MYH15: variants seen among roughly 807,000 people sequenced by gnomAD.
MYH15 encodes myosin-15.
Under a neutral mutation model 240.5 loss-of-function variants are expected in MYH15, and 227 were observed. That is an observed-to-expected ratio of 0.94 (90% CI 0.85 to 1.05). The LOEUF is 1.05. MYH15 is among the 50% of genes least tolerant of loss of function. The pLI is 0.00. For missense variants in MYH15, 2,217 were observed against 2,247.5 expected (o/e 0.99, Z 0.27); for synonymous variants, 785 against 796.7 (o/e 0.99, Z 0.25).
the MYH15 span, among the ~76,000 whole-genome samples, chr3:108,539,919 T>C: frequency 1.3e-5 from 2 of 152,242 alleles, no homozygotes; most frequent in South Asian, 2.1e-4. Flanking sequence ...TACAGGAGCA[T>C]AAAAAGTAAG....
chr3:108,455,731 G>A lies in MYH15; in HGVS notation c.2262+5C>T. 4 of 1,613,330 alleles carry A rather than the reference G, an allele frequency of 2.5e-6. No homozygotes were observed. The highest frequency in any genetic ancestry group is 3.4e-6 in the Non-Finnish European group (4 of 1,179,530). ...CAAATGCATTCTTTGCAGTTTTCTG[G>A]TTACCTTAGTGATTCCAAATCGGTA... On this transcript the variant is annotated splice_donor_5th_base_variant and intron_variant, in intron 20 of 40. Transcript: ENST00000693548.
chr3:108,452,884 G>T (rs973532598), intron 21 of MYH15, among the ~76,000 whole-genome samples: 90 of 152,302 alleles, frequency 5.9e-4, no homozygotes, highest in African/African-American at 2.1e-3. Flanking sequence ...TTGGGAGGCT[G>T]AGGCAAGAGG....
chr3:108,539,398 T>C, the MYH15 span, among the ~76,000 whole-genome samples: 1 of 152,272 alleles, frequency 6.6e-6, no homozygotes, highest in Non-Finnish European at 1.5e-5. Context: ...TTCAATGTTA[T>C]ATATATGGGA....
intron 30 of MYH15, among the ~76,000 whole-genome samples, chr3:108,413,191 G>A (rs2082607834): frequency 6.6e-6 from 1 of 152,164 alleles, no homozygotes; most frequent in South Asian, 2.1e-4. Flanking sequence ...ACCATATTTG[G>A]ATATAAGAGG....
intron 7 of MYH15, among the ~76,000 whole-genome samples, chr3:108,494,589 G>A (rs1048601500): frequency 6.6e-6 from 1 of 152,040 alleles, no homozygotes; most frequent in Non-Finnish European, 1.5e-5. Flanking sequence ...AAACACCTGG[G>A]TTCAGGCCAT....
At chr3:108,470,466 C>T (rs1055082810) in intron 13 of MYH15, among the ~76,000 whole-genome samples, 4 of 151,986 alleles carry the variant, frequency 2.6e-5, no homozygotes, top group African/African-American at 7.3e-5. Flanking sequence ...AATTCCTTTA[C>T]CTCCATTTAC....
At chr3:108,501,942 C>G in intron 2 of MYH15, 87 bp from the exon 3 acceptor site, 3 of 1,430,136 alleles carry the variant, frequency 2.1e-6, no homozygotes, top group Non-Finnish European at 2.9e-6. Flanking sequence ...TATTCAGACT[C>G]AAAAAGAAAA....
chr3:108,452,101 A>G (rs547507825), intron 21 of MYH15, among the ~76,000 whole-genome samples: 102 of 152,248 alleles, frequency 6.7e-4, no homozygotes, highest in Non-Finnish European at 1.0e-3. Flanking sequence ...CTGATATACC[A>G]CAAGTGGGTG....
chr3:108,437,083 T>C (rs2082844549), intron 25 of MYH15, among the ~76,000 whole-genome samples: 1 of 152,098 alleles, frequency 6.6e-6, no homozygotes, highest in African/African-American at 2.4e-5. Flanking sequence ...AATATTTATA[T>C]AGTAAATTAT....
chr3:108,411,040 C>G, intron 30 of MYH15, 108 bp from the exon 31 acceptor site: 1 of 889,340 alleles, frequency 1.1e-6, no homozygotes, highest in Non-Finnish European at 1.7e-6. Context: ...AAGATGGCGC[C>G]TCTGCAGTGG....
intron 23 of MYH15, among the ~76,000 whole-genome samples, chr3:108,440,212 G>A (rs929972488): frequency 6.6e-6 from 1 of 151,862 alleles, no homozygotes. Context: ...AAATTGGATG[G>A]CCAATTTAAT....
chr3:108,510,337 T>C lies in MYH15; in HGVS notation c.88+106A>G, dbSNP rs1019658526. 4.9e-6 allele frequency: 7 copies of C among 1,426,400 alleles called. No homozygotes were observed. In the African/African-American group the frequency reaches 7.2e-5, roughly 15 times the overall value. The allele number at this position is 1,426,400 out of a possible 1,614,324, so 88.4% of individuals were successfully genotyped here. A position where few individuals can be genotyped will look rare whatever the true frequency, so the allele number is the denominator to read the frequency against. On this transcript the variant is annotated intron_variant, in intron 1 of 40. Coordinates refer to ENST00000693548, the MANE Select transcript of MYH15 (RefSeq NM_014981.3). ...AGAGGCTGATCATACCCTAAGCAAA[T>C]AAGTTAGGCTCTAGAACTGATGGCT...
chr3:108,510,726 A>C (rs1157285378), upstream of MYH15: 4 of 811,310 alleles, frequency 4.9e-6, no homozygotes, highest in Non-Finnish European at 7.5e-6. Flanking sequence ...TCTCTTCGCT[A>C]TGTCTCAAAT....
chr3:108,457,598 A>G (rs893156767), intron 18 of MYH15, among the ~76,000 whole-genome samples: 5 of 152,022 alleles, frequency 3.3e-5, no homozygotes, highest in Non-Finnish European at 7.4e-5. Flanking sequence ...ACATCTCCTA[A>G]CACAAATTCC....
At chr3:108,434,247 A>T (rs1278759513) in intron 25 of MYH15, among the ~76,000 whole-genome samples, 2 of 141,114 alleles carry the variant, frequency 1.4e-5, no homozygotes, top group Middle Eastern at 4.1e-3. Context: ...CAATGGTGTG[A>T]TCTCAGCTCA....
At chr3:108,481,547 A>C (rs1448190428) in intron 11 of MYH15, among the ~76,000 whole-genome samples, 1 of 152,194 alleles carries the variant, frequency 6.6e-6, no homozygotes. Context: ...GGTAACATCC[A>C]AGAAGTTACT....
At chr3:108,407,949 G>A (rs1052855078) in intron 32 of MYH15, among the ~76,000 whole-genome samples, 11 of 152,204 alleles carry the variant, frequency 7.2e-5, no homozygotes, top group African/African-American at 1.9e-4. Flanking sequence ...CCTCCCAAGC[G>A]ATGTCCATGG....
Position 108,384,800 on chromosome 3 carries a change from G to A in MYH15, c.5536-18C>T. On this transcript the variant is annotated intron_variant, in intron 38 of 40. Transcript: ENST00000693548. ...TCCTCTGCCTGCAATACATAGGCAT[G>A]TATGGGAAGGTGATTCAGAGGATCC... 2 of 1,598,354 alleles carry A rather than the reference G, an allele frequency of 1.3e-6. No homozygotes were observed. Among genetic ancestry groups the A allele is most frequent in the Non-Finnish European group, 1.7e-6 (2 of 1,166,404 alleles).
intron 6 of MYH15, among the ~76,000 whole-genome samples, chr3:108,496,290 CT>C (rs1437191430): frequency 6.6e-6 from 1 of 152,222 alleles, no homozygotes; most frequent in African/African-American, 2.4e-5. Context: ...ACAACAGACT[CT>C]TGGTGTTATT....
Sources: gnomAD v4.1 joint callset for allele counts (sites outside exome capture counted in the v4.1 genomes callset) on GRCh38, gnomAD v4.1.1 for gene constraint, MANE v1.5 for transcripts, NCBI Gene and HGNC (gene_info 2026-07-23, HGNC 2026-07-21) for gene names.